DLG1: variants seen among roughly 807,000 people sequenced by gnomAD.
DLG1 encodes discs large MAGUK scaffold protein 1.
Under a neutral mutation model 123.4 loss-of-function variants are expected in DLG1, and 42 were observed. The observed-to-expected ratio is 0.34, with a 90% CI of 0.27 to 0.44. The LOEUF (loss-of-function observed/expected upper bound fraction) is 0.44, where lower values mean the gene tolerates loss of function less well. DLG1 is among the 20% of genes least tolerant of loss of function. The probability of loss-of-function intolerance (pLI) is 1.00; values close to 1 mark genes in which losing one functional copy is unlikely to be tolerated. For missense variants in DLG1, 942 were observed against 1,082.6 expected (o/e 0.87, Z 1.82); for synonymous variants, 317 against 356.2 (o/e 0.89, Z 1.24).
intron 4 of DLG1, among the ~76,000 whole-genome samples, chr3:197,207,957 T>C (rs1001839033): frequency 6.9e-6 from 1 of 143,942 alleles, no homozygotes; most frequent in African/African-American, 2.5e-5. Context: ...TGACTAGAAG[T>C]CAAAACGTTA....
At chr3:197,066,636 T>A (rs1454345630) in intron 20 of DLG1, 68 bp downstream of exon 20, 2 of 1,273,252 alleles carry the variant, frequency 1.6e-6, no homozygotes, top group Non-Finnish European at 2.2e-6. Context: ...GGTATGAGAA[T>A]TTTTTTCCCC....
At chr3:197,248,727 G>A (rs1258160914) in intron 4 of DLG1, among the ~76,000 whole-genome samples, 2 of 149,972 alleles carry the variant, frequency 1.3e-5, no homozygotes, top group Non-Finnish European at 3.0e-5. Flanking sequence ...AAAGAACCAG[G>A]AAGTTTATTT....
intron 23 of DLG1, among the ~76,000 whole-genome samples, chr3:197,054,653 T>C (rs191090241): frequency 9.2e-5 from 14 of 152,256 alleles, no homozygotes; most frequent in Non-Finnish European, 1.8e-4. Context: ...TTTTTTCCTT[T>C]ATCTTTTTGG....
In DLG1 at chr3:197,211,833, T is replaced by C. The variant is rs139460970; in HGVS notation, c.319-17244A>G. 3.4e-5 allele frequency among the ~76,000 whole-genome samples: 5 copies of C among 146,234 alleles called. 1 individual carries two copies. Among genetic ancestry groups the C allele is most frequent in the African/African-American group, 4.9e-5 (2 of 41,186 alleles). ...ACGTTCACTGCAGCACTACTCACAA[T>C]AGCAAAGACATGGACATCAATGACA... On this transcript the variant is annotated intron_variant, in intron 4 of 24. Transcript: ENST00000667157.
chr3:197,270,129 C>A (rs564216185), intron 4 of DLG1, among the ~76,000 whole-genome samples: 1 of 152,204 alleles, frequency 6.6e-6, no homozygotes, highest in African/African-American at 2.4e-5. Flanking sequence ...TGGAAACCAT[C>A]GTTATGCGTG....
At chr3:197,148,738 C>A (rs1482759911) in intron 6 of DLG1, among the ~76,000 whole-genome samples, 1 of 152,078 alleles carries the variant, frequency 6.6e-6, no homozygotes, top group Admixed American at 6.5e-5. Context: ...AAACTTAACT[C>A]TAAGTCTTTG....
intron 4 of DLG1, among the ~76,000 whole-genome samples, chr3:197,254,924 C>T (rs1198670993): frequency 6.6e-6 from 1 of 151,894 alleles, no homozygotes; most frequent in South Asian, 2.1e-4. Context: ...GGCGTGGTGG[C>T]ACGTGCTTGT....
At chr3:197,123,148 G>C (rs1201336076) in intron 11 of DLG1, among the ~76,000 whole-genome samples, 2 of 152,024 alleles carry the variant, frequency 1.3e-5, no homozygotes, top group Non-Finnish European at 2.9e-5. Flanking sequence ...GCAAAAATTA[G>C]ATCAAAATGG....
intron 4 of DLG1, among the ~76,000 whole-genome samples, chr3:197,213,709 A>G (rs915786558): frequency 2.6e-5 from 4 of 152,238 alleles, no homozygotes; most frequent in African/African-American, 9.6e-5. Flanking sequence ...TCAAAATGCT[A>G]CTGAAGTGAA....
chr3:197,080,898 G>A (rs984082667), intron 17 of DLG1, 153 bp downstream of exon 17: 1 of 559,262 alleles, frequency 1.8e-6, no homozygotes, highest in Non-Finnish European at 3.1e-6. Flanking sequence ...TCTGTGAAAT[G>A]GGTGCTTGAA....
chr3:197,164,530 C>T (rs1800344000), intron 5 of DLG1, among the ~76,000 whole-genome samples: 1 of 152,054 alleles, frequency 6.6e-6, no homozygotes, highest in Admixed American at 6.5e-5. Context: ...GTCTTTTGAA[C>T]ACTGCTTCTA....
At chr3:197,252,471 C>A (rs1437357123) in intron 4 of DLG1, among the ~76,000 whole-genome samples, 1 of 152,072 alleles carries the variant, frequency 6.6e-6, no homozygotes, top group African/African-American at 2.4e-5. Flanking sequence ...GCTGAGTGAA[C>A]CAAGCCAGTC....
intron 4 of DLG1, among the ~76,000 whole-genome samples, chr3:197,239,234 G>A (rs1031270798): frequency 2.0e-5 from 3 of 151,696 alleles, no homozygotes; most frequent in South Asian, 4.1e-4. Context: ...AAATGAAATG[G>A]AAAACTCCTA....
chr3:197,128,026 G>A (rs915778924), intron 11 of DLG1, among the ~76,000 whole-genome samples: 1 of 152,184 alleles, frequency 6.6e-6, no homozygotes, highest in Non-Finnish European at 1.5e-5. Flanking sequence ...GGTAGTTGCT[G>A]AAGGGTGGGG....
chr3:197,246,038 A>G (rs1227555538), intron 4 of DLG1, among the ~76,000 whole-genome samples: 1 of 152,180 alleles, frequency 6.6e-6, no homozygotes, highest in Non-Finnish European at 1.5e-5. Flanking sequence ...CCCTGAAGGC[A>G]TACTTGGAAT....
At chr3:197,199,780 T>C (rs961376305) in intron 4 of DLG1, among the ~76,000 whole-genome samples, 3 of 152,134 alleles carry the variant, frequency 2.0e-5, no homozygotes, top group African/African-American at 7.2e-5. Context: ...TAAAACCAGT[T>C]TGCCAATAAA....
chr3:197,147,049 C>G, intron 6 of DLG1, among the ~76,000 whole-genome samples: 1 of 152,036 alleles, frequency 6.6e-6, no homozygotes, highest in Middle Eastern at 3.2e-3. Flanking sequence ...GAAAAGTGCT[C>G]AACATCACTA....
intron 4 of DLG1, among the ~76,000 whole-genome samples, chr3:197,245,286 T>C (rs1380089942): frequency 6.6e-6 from 1 of 152,192 alleles, no homozygotes; most frequent in South Asian, 2.1e-4. Context: ...ACATTTTCTA[T>C]GAGTGTCTTA....
At chr3:197,170,724 A>T (rs746273657) in intron 5 of DLG1, among the ~76,000 whole-genome samples, 9 of 152,330 alleles carry the variant, frequency 5.9e-5, no homozygotes, top group Non-Finnish European at 1.0e-4. Flanking sequence ...TTTGCTGTGC[A>T]GAAGCTCTTT....
Sources: gnomAD v4.1 joint callset for allele counts (sites outside exome capture counted in the v4.1 genomes callset) on GRCh38, gnomAD v4.1.1 for gene constraint, MANE v1.5 for transcripts, NCBI Gene and HGNC (gene_info 2026-07-23, HGNC 2026-07-21) for gene names.